INSC: variants seen among roughly 807,000 people sequenced by gnomAD.
INSC encodes the protein INSC spindle orientation adaptor protein, also known as protein inscuteable homolog.
Under a neutral mutation model 58.6 loss-of-function variants are expected in INSC, and 67 were observed. The ratio of observed to expected loss-of-function variants is 1.14; its 90% CI spans 0.94 to 1.40. The LOEUF (loss-of-function observed/expected upper bound fraction) is 1.40, where lower values mean the gene tolerates loss of function less well. Ranked by LOEUF, INSC falls within the 40% of genes most tolerant of loss-of-function variation. The probability of loss-of-function intolerance (pLI) is 0.00; values close to 1 mark genes in which losing one functional copy is unlikely to be tolerated. For synonymous variants in INSC, 262 were observed against 276.1 expected, an observed-to-expected ratio of 0.95 and a Z score of 0.51; for missense variants, 714 against 692.0, an observed-to-expected ratio of 1.03 and a Z score of -0.36.
chr11:15,255,736 ATGTG>A, the INSC span, among the ~76,000 whole-genome samples: 29 of 147,906 alleles, frequency 2.0e-4, no homozygotes, highest in South Asian at 6.4e-4. Context: ...AAGTGTGTGT[ATGTG>A]TGTGTGTGTG....
chr11:15,177,065 A>T (rs1202897251), intron 3 of INSC, 46 bp from the exon 4 acceptor site: 1 of 1,498,660 alleles, frequency 6.7e-7, no homozygotes, highest in Non-Finnish European at 9.3e-7. Context: ...GTTGGTCCTC[A>T]GTTAATGCTT....
intron 6 of INSC, among the ~76,000 whole-genome samples, chr11:15,197,592 A>C (rs981810729): frequency 6.6e-6 from 1 of 152,034 alleles, no homozygotes; most frequent in Non-Finnish European, 1.5e-5. Flanking sequence ...TGGGTCCTTC[A>C]TCTATCTTAG....
chr11:15,258,056 T>C, the INSC span, among the ~76,000 whole-genome samples: 1 of 152,168 alleles, frequency 6.6e-6, no homozygotes, highest in Non-Finnish European at 1.5e-5. Context: ...AATAATAAAA[T>C]AAAAGACCTG....
intron 2 of INSC, among the ~76,000 whole-genome samples, chr11:15,168,923 T>C (rs1849295979): frequency 6.6e-6 from 1 of 152,146 alleles, no homozygotes; most frequent in African/African-American, 2.4e-5. Context: ...TATGTACATA[T>C]GTTATATTTC....
rs180842832 is a variant in INSC at position 15,240,666 on chromosome 11, C to T, written c.1470+143C>T. 2.3e-5 allele frequency: 15 copies of T among 665,226 alleles called. No individual in the cohort carries two copies. In the East Asian group the frequency reaches 4.1e-4, roughly 18 times the overall value. 41.2% of individuals were successfully genotyped at this position (665,226 alleles called of 1,614,324 possible). A position where few individuals can be genotyped will look rare whatever the true frequency, so the allele number is the denominator to read the frequency against. On this transcript the variant is annotated intron_variant, in intron 12 of 12. Coordinates refer to ENST00000379556, the MANE Select transcript of INSC (RefSeq NM_001042536.3). ...TAGCTTTTCTCTTTAGGATTGTGAACATTGTAATATTTGTTTCACTTAATT... is the reference window on the plus strand; with the variant it reads ...TAGCTTTTCTCTTTAGGATTGTGAATATTGTAATATTTGTTTCACTTAATT...
intron 6 of INSC, among the ~76,000 whole-genome samples, chr11:15,197,399 T>A (rs1850412276): frequency 1.3e-5 from 2 of 152,180 alleles, no homozygotes; most frequent in Non-Finnish European, 2.9e-5. Flanking sequence ...ATTCCTCCCA[T>A]AGAATTACTG....
At position 15,221,534 on chromosome 11, in the gene INSC, A is replaced by G; in HGVS notation, c.877A>G (p.Thr293Ala). ...GACCGACAACAGCCACTCAGAGGCC[A>G]CACGGGCTGAGGCTGCGGCTGTGGT... ...ILTDNSHSEATRAEAAAVVAQ... is the reference protein window; with the variant it reads ...ILTDNSHSEAARAEAAAVVAQ... Residue 293 changes from threonine (T) to alanine (A), a missense_variant, in exon 8 of 13, where the codon ACA (threonine) becomes GCA (alanine). By Grantham distance (58) the Thr-to-Ala change is moderately conservative. Transcript: ENST00000379556. 6.2e-7 allele frequency: 1 copy of G among 1,614,082 alleles called. No homozygotes were observed.
At position 15,239,622 on chromosome 11, in the gene INSC, G is replaced by A. The variant is rs568106128; in HGVS notation, c.1393+548G>A. Among the ~76,000 whole-genome samples, 13 of 152,252 alleles carry A rather than the reference G, an allele frequency of 8.5e-5. No individual in the cohort carries two copies. The East Asian group carries it at 2.5e-3, about 29-fold the overall frequency. On this transcript the variant is annotated intron_variant, in intron 11 of 12. Transcript: ENST00000379556. ...GGCATGTAACACTGGATATGACATT[G>A]TCCTGACCCCAGGGGCTCACAGCCT...
chr11:15,181,142 G>A (rs1282912887), intron 5 of INSC, among the ~76,000 whole-genome samples: 3 of 152,170 alleles, frequency 2.0e-5, no homozygotes, highest in Non-Finnish European at 4.4e-5. Context: ...AGGTCCTCAA[G>A]CACTTATAGT....
downstream of INSC, among the ~76,000 whole-genome samples, chr11:15,249,229 G>A (rs1043519454): frequency 3.3e-5 from 5 of 152,196 alleles, no homozygotes; most frequent in African/African-American, 1.2e-4. Context: ...TCTGGGTAAG[G>A]TTAGGATGGG....
intron 2 of INSC, among the ~76,000 whole-genome samples, chr11:15,153,734 G>A (rs1359779738): frequency 6.6e-6 from 1 of 151,992 alleles, no homozygotes; most frequent in African/African-American, 2.4e-5. Context: ...GCTGGGAACC[G>A]AGTTCATAGA....
the INSC span, among the ~76,000 whole-genome samples, chr11:15,265,654 T>C: frequency 2.0e-5 from 3 of 151,046 alleles, no homozygotes; most frequent in Non-Finnish European, 3.0e-5. Context: ...TGGGCTTTTA[T>C]TGTTTATATT....
At chr11:15,255,773 G>A in the INSC span, among the ~76,000 whole-genome samples, 31 of 120,292 alleles carry the variant, frequency 2.6e-4, no homozygotes, top group African/African-American at 1.0e-3. Flanking sequence ...TGTTAGTCTC[G>A]GACTTGAGGT....
At chr11:15,253,782 G>C in the INSC span, among the ~76,000 whole-genome samples, 1 of 152,156 alleles carries the variant, frequency 6.6e-6, no homozygotes, top group Non-Finnish European at 1.5e-5. Flanking sequence ...TCTCCAGGCT[G>C]TGCAGTTTAG....
rs914434914 is a variant in INSC at position 15,121,065 on chromosome 11, A to G, written c.-46+6062A>G. Among the ~76,000 whole-genome samples, 15 of 12,846 alleles carry G rather than the reference A, an allele frequency of 1.2e-3. No homozygotes were observed. In the Non-Finnish European group the frequency reaches 0.093, roughly 80 times the overall value. The allele number at this position is 12,846 out of a possible 152,430, so 8.4% of individuals were successfully genotyped here. ...ATTGTTTTATTATATATATGAATAC[A>G]TTGAAAATGTTTATGTTTCTGATTA... On this transcript the variant is annotated intron_variant, in intron 1 of 12. Coordinates refer to ENST00000379556, the MANE Select transcript of INSC (RefSeq NM_001042536.3).
At chr11:15,210,961 C>G (rs1258698065) in intron 7 of INSC, among the ~76,000 whole-genome samples, 3 of 152,112 alleles carry the variant, frequency 2.0e-5, no homozygotes, top group Non-Finnish European at 2.9e-5. Context: ...AAGCCCAGAA[C>G]TAGAACCATC....
intron 9 of INSC, among the ~76,000 whole-genome samples, chr11:15,233,495 T>C (rs1483816415): frequency 6.6e-6 from 1 of 152,296 alleles, no homozygotes; most frequent in African/African-American, 2.4e-5. Context: ...TTTATTCAAA[T>C]TGTACTTAAT....
At chr11:15,247,503 C>T (rs769229773), downstream of INSC, among the ~76,000 whole-genome samples, 10 of 151,904 alleles carry the variant, frequency 6.6e-5, no homozygotes, top group East Asian at 3.8e-4. Flanking sequence ...ATTATTATTA[C>T]GATAGAAAAC....
chr11:15,130,526 A>T (rs1053263278), intron 1 of INSC, among the ~76,000 whole-genome samples: 2 of 152,174 alleles, frequency 1.3e-5, no homozygotes, highest in African/African-American at 4.8e-5. Flanking sequence ...TTTCTATATG[A>T]GATTGGCCTG....
Sources: gnomAD v4.1 joint callset for allele counts (sites outside exome capture counted in the v4.1 genomes callset) on GRCh38, gnomAD v4.1.1 for gene constraint, MANE v1.5 for transcripts, NCBI Gene and HGNC (gene_info 2026-07-23, HGNC 2026-07-21) for gene names.